HOMER1: variants seen among roughly 807,000 people sequenced by gnomAD.
HOMER1 encodes the protein homer protein homolog 1.
Under a neutral mutation model 48.9 loss-of-function variants are expected in HOMER1, and 3 were observed. That is an observed-to-expected ratio of 0.06 (90% CI 0.03 to 0.16). The LOEUF (loss-of-function observed/expected upper bound fraction) is 0.16. Ranked by LOEUF, HOMER1 falls within the 10% of genes least tolerant of loss-of-function variation. The pLI, the probability that HOMER1 is intolerant of heterozygous loss-of-function variation, is 1.00. For missense variants in HOMER1, 247 were observed against 411.4 expected, an observed-to-expected ratio of 0.60 and a Z score of 3.46; for synonymous variants, 134 against 146.4, an observed-to-expected ratio of 0.92 and a Z score of 0.61.
chr5:79,378,222 C>CAAAAA lies in HOMER1; in HGVS notation c.877-2030_877-2026dup, dbSNP rs58802660. On this transcript the variant is annotated intron_variant, in intron 8 of 8. Coordinates refer to ENST00000334082, the MANE Select transcript of HOMER1 (RefSeq NM_004272.5). ...GGGGTGACAGAGTAAGACTCTGTCT[C>CAAAAA]AAAAAAAAAAAAAAAAAAAGGAAAT... 5.5e-3 allele frequency among the ~76,000 whole-genome samples: 470 copies of CAAAAA among 85,492 alleles called. 4 individuals carry two copies. Among genetic ancestry groups the CAAAAA allele is most frequent in the African/African-American group, 0.017 (437 of 25,846 alleles). The allele number at this position is 85,492 out of a possible 152,430, so 56.1% of individuals were successfully genotyped here.
At chr5:79,498,610 C>T (rs1194239617) in intron 1 of HOMER1, among the ~76,000 whole-genome samples, 1 of 152,218 alleles carries the variant, frequency 6.6e-6, no homozygotes, top group African/African-American at 2.4e-5. Context: ...CCAGTCCCTA[C>T]TGTCTTCTAC....
At chr5:79,394,102 T>A (rs1300524527) in intron 8 of HOMER1, among the ~76,000 whole-genome samples, 1 of 152,176 alleles carries the variant, frequency 6.6e-6, no homozygotes, top group African/African-American at 2.4e-5. Context: ...AACAGAAATA[T>A]CCAAATATTG....
chr5:79,407,679 A>T (rs909441770), intron 5 of HOMER1, among the ~76,000 whole-genome samples: 1 of 152,238 alleles, frequency 6.6e-6, no homozygotes, highest in Non-Finnish European at 1.5e-5. Flanking sequence ...TTTCTAAGAT[A>T]TGAAGGGCCA....
At chr5:79,447,172 A>C in intron 3 of HOMER1, 27 bp from the exon 4 acceptor site, 1 of 1,407,834 alleles carries the variant, frequency 7.1e-7, no homozygotes, top group Non-Finnish European at 1.0e-6. Flanking sequence ...TACATACATT[A>C]ACCAAATAAA....
chr5:79,399,030 T>G (rs182865015), intron 6 of HOMER1, among the ~76,000 whole-genome samples: 19 of 152,352 alleles, frequency 1.2e-4, no homozygotes, highest in Middle Eastern at 6.8e-3. Flanking sequence ...TCACTTATTG[T>G]TTAATGTGTA....
intron 1 of HOMER1, among the ~76,000 whole-genome samples, chr5:79,472,561 G>T (rs1751651877): frequency 6.7e-6 from 1 of 148,226 alleles, no homozygotes; most frequent in Non-Finnish European, 1.5e-5. Context: ...AATCACTTGA[G>T]CCCAGGAGTT....
intron 1 of HOMER1, among the ~76,000 whole-genome samples, chr5:79,500,955 G>GTGTGTGTCTGTCTGTCTC (rs1266401084): frequency 1.7e-3 from 189 of 109,650 alleles, no homozygotes; most frequent in African/African-American, 8.3e-3. Context: ...GTGTGTGTGA[G>GTGTGTGTCTGTCTGTCTC]ACAGACAGAC....
intron 1 of HOMER1, among the ~76,000 whole-genome samples, chr5:79,481,451 C>A (rs575735657): frequency 6.6e-6 from 1 of 152,254 alleles, no homozygotes; most frequent in South Asian, 2.1e-4. Flanking sequence ...GGGAAGGGAG[C>A]CATAACAGAG....
At chr5:79,491,385 G>C (rs1403137953) in intron 1 of HOMER1, among the ~76,000 whole-genome samples, 1 of 136,560 alleles carries the variant, frequency 7.3e-6, no homozygotes, top group Admixed American at 8.1e-5. Context: ...GGTGCAGTAA[G>C]CCGAGACTGT....
rs373441956 is a variant in HOMER1 at position 79,416,136 on chromosome 5, C to T, written c.528-14081G>A. ...TTTAACATTAAATATTTTAAAGTGG[C>T]TCCTTTTGATTACTGATGTAAAGAA... On this transcript the variant is annotated intron_variant, in intron 5 of 8. Coordinates refer to ENST00000334082, the MANE Select transcript of HOMER1 (RefSeq NM_004272.5). Among the ~76,000 whole-genome samples, 19 of 152,258 alleles carry T rather than the reference C, an allele frequency of 1.2e-4. 1 individual carries two copies. The highest frequency in any genetic ancestry group is 5.2e-4 in the Admixed American group (8 of 15,284).
rs1753025972 is a variant in HOMER1, at chr5:79,514,022, GC to G, written c.-1249del. 1 of 152,614 alleles carries G rather than the reference GC, an allele frequency of 6.6e-6. No homozygotes were observed. Among genetic ancestry groups the G allele is most frequent in the Non-Finnish European group, 1.5e-5 (1 of 68,064 alleles). 9.5% of individuals were successfully genotyped at this position (152,614 alleles called of 1,614,324 possible). A position where few individuals can be genotyped will look rare whatever the true frequency, so the allele number is the denominator to read the frequency against. The stretch of plus-strand genomic sequence containing the variant: ...GCCGGGCAGAGCAGCGCCAGCCCCG[GC>G]GGCCTGAAGCCTGCCGCTGCCTCCG... On this transcript the variant is annotated 5_prime_UTR_variant, in exon 1 of 9. Transcript: ENST00000334082.
At chr5:79,425,549 G>A (rs971223828) in intron 5 of HOMER1, among the ~76,000 whole-genome samples, 13 of 152,022 alleles carry the variant, frequency 8.6e-5, no homozygotes, top group Non-Finnish European at 1.3e-4. Flanking sequence ...CATGGGTTGC[G>A]AGACTTCGAA....
Position 79,512,673 on chromosome 5 carries a change from A to G in HOMER1, c.5+97T>C, listed in dbSNP as rs1752974727. ...AGTATGACCAGCTTAGCAAGGTGGC[A>G]AGTTTGTTTGAAAACACAAAACACA... On this transcript the variant is annotated intron_variant, in intron 1 of 8. Coordinates refer to ENST00000334082, the MANE Select transcript of HOMER1 (RefSeq NM_004272.5). 3 of 1,182,152 alleles carry G rather than the reference A, an allele frequency of 2.5e-6. No individual in the cohort carries two copies. The South Asian group carries it at 3.8e-5, about 15-fold the overall frequency. The allele number at this position is 1,182,152 out of a possible 1,614,324, so 73.2% of individuals were successfully genotyped here. A position where few individuals can be genotyped will look rare whatever the true frequency, so the allele number is the denominator to read the frequency against.
chr5:79,443,698 G>A (rs1171647871), intron 4 of HOMER1, among the ~76,000 whole-genome samples: 1 of 152,030 alleles, frequency 6.6e-6, no homozygotes, highest in East Asian at 1.9e-4. Context: ...TTCCTATTAA[G>A]GACATATTGT....
chr5:79,476,241 G>T (rs1039016757), intron 1 of HOMER1, among the ~76,000 whole-genome samples: 1 of 151,852 alleles, frequency 6.6e-6, no homozygotes, highest in Admixed American at 6.6e-5. Flanking sequence ...ATTCTGAGTG[G>T]AAAAAAAACG....
chr5:79,401,863 G>A, intron 6 of HOMER1, 36 bp downstream of exon 6: 1 of 1,601,192 alleles, frequency 6.2e-7, no homozygotes. Flanking sequence ...AAACCTGTTA[G>A]CCCTAAATCC....
intron 1 of HOMER1, among the ~76,000 whole-genome samples, chr5:79,498,360 C>T (rs994566972): frequency 6.6e-6 from 1 of 152,162 alleles, no homozygotes; most frequent in Admixed American, 6.5e-5. Flanking sequence ...TGCACCATTG[C>T]ACTCCAGCCT....
intron 2 of HOMER1, among the ~76,000 whole-genome samples, chr5:79,454,487 A>G (rs1312742596): frequency 6.6e-6 from 1 of 152,080 alleles, no homozygotes; most frequent in Non-Finnish European, 1.5e-5. Flanking sequence ...TCAGGTTATA[A>G]TATCTAGTAT....
chr5:79,484,716 C>T (rs2112347392), intron 1 of HOMER1, among the ~76,000 whole-genome samples: 1 of 151,964 alleles, frequency 6.6e-6, no homozygotes, highest in East Asian at 1.9e-4. Flanking sequence ...AAAGATATAC[C>T]TCGCAAATAT....
Sources: gnomAD v4.1 joint callset for allele counts (sites outside exome capture counted in the v4.1 genomes callset) on GRCh38, gnomAD v4.1.1 for gene constraint, MANE v1.5 for transcripts, NCBI Gene and HGNC (gene_info 2026-07-23, HGNC 2026-07-21) for gene names.